Variants in MEF2A observed in about 807,000 individuals in gnomAD.
MEF2A encodes the protein myocyte enhancer factor 2A.
Under a neutral mutation model 55.8 loss-of-function variants are expected in MEF2A, and 28 were observed. The ratio of observed to expected loss-of-function variants is 0.50; its 90% CI spans 0.37 to 0.69. The LOEUF (loss-of-function observed/expected upper bound fraction) is 0.69. Among genes scored for constraint, MEF2A ranks in the 30% least tolerant of loss-of-function variants. The pLI, the probability that MEF2A is intolerant of heterozygous loss-of-function variation, is 0.00. For synonymous variants in MEF2A, 239 were observed against 227.1 expected (o/e 1.05, Z -0.47); for missense variants, 528 against 626.2 (o/e 0.84, Z 1.67).
intron 2 of MEF2A, among the ~76,000 whole-genome samples, chr15:99,608,758 G>T (rs1390855406): frequency 1.3e-5 from 2 of 152,066 alleles, no homozygotes; most frequent in African/African-American, 4.8e-5. Context: ...AAAGTTAGCT[G>T]GGCGTGATGG....
In MEF2A at chr15:99,690,305, A is replaced by G; in HGVS notation, c.735A>G (p.Leu245=). ...NLIGATGANS[L]GKVMPTKSPP... ...TTGGAGCTACTGGTGCAAATAGCTT[A>G]GGCAAAGTCATGCCTACAAAGTCTC... Residue 245 remains leucine, a synonymous_variant, in exon 8 of 12, where the codon TTA becomes TTG. Coordinates refer to ENST00000557942, the MANE Select transcript of MEF2A (RefSeq NM_001319206.4). 1 of 1,613,746 alleles carries G rather than the reference A, an allele frequency of 6.2e-7. No homozygotes were observed. Among genetic ancestry groups the G allele is most frequent in the African/African-American group, 1.3e-5 (1 of 75,062 alleles).
At chr15:99,625,937 A>G (rs2041975848) in intron 2 of MEF2A, among the ~76,000 whole-genome samples, 1 of 152,000 alleles carries the variant, frequency 6.6e-6, no homozygotes, top group Admixed American at 6.6e-5. Flanking sequence ...TTCTTGTTGT[A>G]TCTTTGATTT....
chr15:99,602,657 T>G (rs1371942861), intron 2 of MEF2A, among the ~76,000 whole-genome samples: 177 of 89,980 alleles, frequency 2.0e-3, no homozygotes, highest in African/African-American at 6.3e-3. Flanking sequence ...TCCTGGGGTG[T>G]GTGTGTGTGT....
intron 3 of MEF2A, among the ~76,000 whole-genome samples, chr15:99,643,551 G>A (rs1339838825): frequency 4.6e-5 from 7 of 151,678 alleles, no homozygotes; most frequent in Admixed American, 3.3e-4. Context: ...ATCAACAGAT[G>A]CGGAGGTTTT....
At chr15:99,668,660 CTG>C (rs10618159) in intron 4 of MEF2A, among the ~76,000 whole-genome samples, 35,432 of 152,088 alleles carry the variant, frequency 0.23, 4,383 homozygotes, top group African/African-American at 0.29. Flanking sequence ...ACCTTTCACA[CTG>C]TGTTTTCCTC....
chr15:99,674,776 T>C (rs1273264756), intron 6 of MEF2A, among the ~76,000 whole-genome samples, 164 bp downstream of exon 6: 1 of 152,196 alleles, frequency 6.6e-6, no homozygotes, highest in African/African-American at 2.4e-5. Flanking sequence ...GAAAATCAAT[T>C]GTGGGTGTAG....
intron 9 of MEF2A, among the ~76,000 whole-genome samples, chr15:99,704,581 ACT>A (rs1272341454): frequency 1.3e-5 from 2 of 151,966 alleles, no homozygotes; most frequent in Non-Finnish European, 2.9e-5. Context: ...AAAATCACTC[ACT>A]CTTGTAGAAC....
In MEF2A at chr15:99,692,357, A is replaced by G. The variant is rs566758118; in HGVS notation, c.858+1929A>G. On this transcript the variant is annotated intron_variant, in intron 8 of 11. Coordinates refer to ENST00000557942, the MANE Select transcript of MEF2A (RefSeq NM_001319206.4). Reference sequence around the variant, plus strand: ...TTTATCTGGTTATACAGAAATCTGGAAACAGTCACTCCCAGCCTCACAATT... The same window carrying G: ...TTTATCTGGTTATACAGAAATCTGGGAACAGTCACTCCCAGCCTCACAATT... Among the ~76,000 whole-genome samples the G allele has an allele frequency of 3.3e-5, 5 of 152,344 alleles. No individual in the cohort carries two copies. The South Asian group carries it at 6.2e-4, about 19-fold the overall frequency.
At chr15:99,611,538 T>A (rs1977294009) in intron 2 of MEF2A, among the ~76,000 whole-genome samples, 1 of 152,196 alleles carries the variant, frequency 6.6e-6, no homozygotes. Flanking sequence ...TTGGAGAGAA[T>A]GTGGAGAAAT....
intron 1 of MEF2A, 110 bp downstream of exon 1, chr15:99,566,214 G>C (rs1959218273): frequency 6.6e-6 from 1 of 150,954 alleles, no homozygotes; most frequent in Non-Finnish European, 1.5e-5. Context: ...GCTGGGGCGG[G>C]GGACGGCGCG....
chr15:99,716,473 A>C lies in MEF2A; in HGVS notation c.*3702A>C. The stretch of plus-strand genomic sequence containing the variant: ...CCCGCACTCACTCCAGTAAAGACGG[A>C]CTGGCTCTTCCTGTGCGTCGAGACT... On this transcript the variant is annotated 3_prime_UTR_variant, in exon 12 of 12. Coordinates refer to ENST00000557942, the MANE Select transcript of MEF2A (RefSeq NM_001319206.4). 1 of 456,820 alleles carries C rather than the reference A, an allele frequency of 2.2e-6. No homozygotes were observed. The highest frequency in any genetic ancestry group is 2.3e-5 in the Admixed American group (1 of 42,586). 28.3% of individuals were successfully genotyped at this position (456,820 alleles called of 1,614,324 possible). A position where few individuals can be genotyped will look rare whatever the true frequency, so the allele number is the denominator to read the frequency against.
At chr15:99,668,618 T>C (rs1440060177) in intron 4 of MEF2A, among the ~76,000 whole-genome samples, 1 of 152,156 alleles carries the variant, frequency 6.6e-6, no homozygotes, top group Non-Finnish European at 1.5e-5. Context: ...ACTTTTTCTT[T>C]ATGAGGAATA....
chr15:99,680,193 A>G (rs1310763718), intron 7 of MEF2A, among the ~76,000 whole-genome samples: 1 of 152,230 alleles, frequency 6.6e-6, no homozygotes, highest in Admixed American at 6.5e-5. Context: ...GGAAAAAAGC[A>G]AGATAAAATC....
At chr15:99,568,615 A>G (rs1430923391) in intron 1 of MEF2A, among the ~76,000 whole-genome samples, 3 of 152,226 alleles carry the variant, frequency 2.0e-5, no homozygotes, top group Non-Finnish European at 4.4e-5. Flanking sequence ...TCTTTTCAGT[A>G]GATTTGTGTT....
rs763460175 is a variant in MEF2A at position 99,690,266 on chromosome 15, T to A, written c.696T>A (p.Ala232=). ...PVGNGFVNSR[A]SPNLIGATGA... ...GGAATGGATTTGTAAACTCAAGAGC[T>A]TCTCCAAATTTGATTGGAGCTACTG... Residue 232 remains alanine, a synonymous_variant, in exon 8 of 12, where the codon GCT becomes GCA. Transcript: ENST00000557942. 1 of 1,613,736 alleles carries A rather than the reference T, an allele frequency of 6.2e-7. No homozygotes were observed. Among genetic ancestry groups the A allele is most frequent in the South Asian group, 1.1e-5 (1 of 90,988 alleles).
At chr15:99,642,410 T>TG (rs1343355235) in intron 3 of MEF2A, among the ~76,000 whole-genome samples, 1 of 152,180 alleles carries the variant, frequency 6.6e-6, no homozygotes, top group African/African-American at 2.4e-5. Context: ...CTAAATGCTC[T>TG]GGGCTTTTTT....
At chr15:99,620,510 G>T (rs1410505730) in intron 2 of MEF2A, among the ~76,000 whole-genome samples, 1 of 152,140 alleles carries the variant, frequency 6.6e-6, no homozygotes, top group South Asian at 2.1e-4. Context: ...TGCTGCAAAG[G>T]ACATGATTTT....
At chr15:99,630,342 ATTCT>A (rs550893169) in intron 2 of MEF2A, among the ~76,000 whole-genome samples, 227 of 151,112 alleles carry the variant, frequency 1.5e-3, no homozygotes, top group African/African-American at 5.3e-3. Flanking sequence ...TTCTGGGTTG[ATTCT>A]TTCTTCAGCT....
chr15:99,613,798 G>A (rs530018293), intron 2 of MEF2A, among the ~76,000 whole-genome samples: 23 of 152,202 alleles, frequency 1.5e-4, no homozygotes, highest in Admixed American at 1.0e-3. Flanking sequence ...GCCTTTTAAC[G>A]GGGAACGTAT....
Sources: allele counts gnomAD v4.1 joint callset (sites outside exome capture counted in the v4.1 genomes callset), GRCh38; gene constraint gnomAD v4.1.1; transcripts MANE v1.5; gene names NCBI Gene and HGNC (gene_info 2026-07-23, HGNC 2026-07-21).